PPFIA2: variants seen among roughly 807,000 people sequenced by gnomAD.
The protein encoded by PPFIA2 is PPFI scaffold protein A2.
Under a neutral mutation model 175.5 loss-of-function variants are expected in PPFIA2, and 46 were observed. The observed-to-expected ratio is 0.26, with a 90% confidence interval of 0.21 to 0.34. PPFIA2 has a LOEUF of 0.34. PPFIA2 is among the 10% of genes least tolerant of loss of function. PPFIA2 has a pLI of 1.00. For synonymous variants in PPFIA2, 568 were observed against 511.4 expected, an observed-to-expected ratio of 1.11 and a Z score of -1.49; for missense variants, 1,179 against 1,506.1, an observed-to-expected ratio of 0.78 and a Z score of 3.60.
chr12:81,367,167 C>A lies in PPFIA2; in HGVS notation c.1486G>T (p.Val496Phe), dbSNP rs1357373467. Residue 496 changes from valine (V) to phenylalanine (F), a missense_variant, in exon 14 of 33, where the codon GTT (valine) becomes TTT (phenylalanine). Val to Phe is a conservative substitution (Grantham distance 50). Coordinates refer to ENST00000549396, the MANE Select transcript of PPFIA2 (RefSeq NM_003625.5). ...AAAGTTTCTGATTCTTGAATTAAAA[C>A]ATTCTAAAGAAAAGAAAATAGCAGA... ...ERMAALEEKN[V>F]LIQESETFRK... 1.4e-6 allele frequency: 2 copies of A among 1,395,262 alleles called. No homozygotes were observed. Among genetic ancestry groups the A allele is most frequent in the Non-Finnish European group, 1.9e-6 (2 of 1,057,898 alleles). The allele number at this position is 1,395,262 out of a possible 1,614,324, so 86.4% of individuals were successfully genotyped here.
chr12:81,546,313 T>C (rs751573981), intron 4 of PPFIA2: 1 of 152,076 alleles, frequency 6.6e-6, no homozygotes, highest in Non-Finnish European at 1.5e-5. Flanking sequence ...ACTGTTTTTT[T>C]CTAAATTTGT....
intron 4 of PPFIA2, among the ~76,000 whole-genome samples, chr12:81,630,871 T>G (rs909521990): frequency 6.8e-6 from 1 of 147,842 alleles, no homozygotes; most frequent in African/African-American, 2.5e-5. Context: ...TAAAGATGTC[T>G]ATGGAAAGGC....
intron 8 of PPFIA2, among the ~76,000 whole-genome samples, chr12:81,400,859 T>C (rs937384969): frequency 6.6e-6 from 1 of 152,186 alleles, no homozygotes. Context: ...GTGCCTCATT[T>C]GTTGTATGGT....
rs190409521 is a variant in PPFIA2 at position 81,362,236 on chromosome 12, C to A, written c.1637+457G>T. Reference sequence around the variant, plus strand: ...ACCGAAATAGGTAGATGCTAAGTGACCATAATCAATAATATTTGTTTAGTC... The same window carrying A: ...ACCGAAATAGGTAGATGCTAAGTGAACATAATCAATAATATTTGTTTAGTC... On this transcript the variant is annotated intron_variant, in intron 15 of 32. Coordinates refer to ENST00000549396, the MANE Select transcript of PPFIA2 (RefSeq NM_003625.5). 4.0e-5 allele frequency among the ~76,000 whole-genome samples: 6 copies of A among 150,102 alleles called. No homozygotes were observed. In the East Asian group the frequency reaches 1.2e-3, roughly 29 times the overall value.
At chr12:81,600,470 T>C (rs2059674570) in intron 4 of PPFIA2, among the ~76,000 whole-genome samples, 1 of 151,938 alleles carries the variant, frequency 6.6e-6, no homozygotes, top group South Asian at 2.1e-4. Context: ...GCTGAAACTA[T>C]TTATTTCCTT....
chr12:81,317,950 G>A (rs2052777046), intron 22 of PPFIA2, among the ~76,000 whole-genome samples: 1 of 151,564 alleles, frequency 6.6e-6, no homozygotes, highest in African/African-American at 2.4e-5. Context: ...GTCAATATTA[G>A]ACATAATTAT....
intron 7 of PPFIA2, among the ~76,000 whole-genome samples, chr12:81,436,047 T>C (rs550485276): frequency 4.6e-4 from 69 of 151,502 alleles, no homozygotes; most frequent in African/African-American, 1.6e-3. Context: ...GGAGGCCGAG[T>C]TGGGCAGACT....
At chr12:81,464,855 G>A (rs1371970807) in intron 4 of PPFIA2, among the ~76,000 whole-genome samples, 3 of 142,278 alleles carry the variant, frequency 2.1e-5, no homozygotes, top group Non-Finnish European at 4.5e-5. Context: ...CTCATTTTCT[G>A]ATATTTAGTA....
At position 81,467,087 on chromosome 12, in the gene PPFIA2, A is replaced by G. The variant is rs943884386; in HGVS notation, c.304-9221T>C. ...TACTGAAACTAATTTTATATCAGGG[A>G]CAAGAGGATTATCTTCAAGCATAAT... On this transcript the variant is annotated intron_variant, in intron 4 of 32. Transcript: ENST00000549396. Among the ~76,000 whole-genome samples the G allele has an allele frequency of 4.3e-4, 65 of 151,694 alleles. 1 individual carries two copies. Among genetic ancestry groups the G allele is most frequent in the Admixed American group, 4.6e-4 (7 of 15,180 alleles).
chr12:81,348,470 G>T (rs573244918), intron 17 of PPFIA2, among the ~76,000 whole-genome samples: 1 of 152,268 alleles, frequency 6.6e-6, no homozygotes, highest in South Asian at 2.1e-4. Flanking sequence ...AGGAGTGGTG[G>T]CTCACGCCTG....
At chr12:81,358,458 T>G (rs1446831868) in intron 15 of PPFIA2, among the ~76,000 whole-genome samples, 1 of 152,178 alleles carries the variant, frequency 6.6e-6, no homozygotes, top group Non-Finnish European at 1.5e-5. Context: ...ATACAGTGCT[T>G]ATAACCTTTC....
intron 21 of PPFIA2, among the ~76,000 whole-genome samples, chr12:81,338,299 A>G (rs149743909): frequency 0.013 from 1,949 of 152,154 alleles, 17 homozygotes; most frequent in Non-Finnish European, 0.021. Flanking sequence ...CAATAATATA[A>G]CTCTAAAAAT....
At chr12:81,375,335 A>T (rs1223926098) in intron 10 of PPFIA2, among the ~76,000 whole-genome samples, 1 of 152,098 alleles carries the variant, frequency 6.6e-6, no homozygotes, top group African/African-American at 2.4e-5. Flanking sequence ...CAGGCAACCA[A>T]CCAGCTTTGG....
At chr12:81,353,089 C>A (rs1275138860) in intron 17 of PPFIA2, 30 bp downstream of exon 17, 1 of 1,586,396 alleles carries the variant, frequency 6.3e-7, no homozygotes, top group South Asian at 1.1e-5. Flanking sequence ...CTTCTAATTT[C>A]TTGAAATCAT....
At chr12:81,621,008 G>T (rs1356997593) in intron 4 of PPFIA2, among the ~76,000 whole-genome samples, 1 of 152,170 alleles carries the variant, frequency 6.6e-6, no homozygotes, top group Non-Finnish European at 1.5e-5. Context: ...GAAAAAAATT[G>T]TCTTCATAAA....
Position 81,377,555 on chromosome 12 carries a change from G to GA in PPFIA2, c.985-1614dup, listed in dbSNP as rs796615939. The stretch of plus-strand genomic sequence containing the variant: ...GCCACAGGGCAAGACTCCATTTCAA[G>GA]AAAAAAAAAAAAAGAAAAAGGAATA... On this transcript the variant is annotated intron_variant, in intron 9 of 32. Transcript: ENST00000549396. Among the ~76,000 whole-genome samples, 194 of 131,392 alleles carry GA rather than the reference G, an allele frequency of 1.5e-3. 1 individual carries two copies. Among genetic ancestry groups the GA allele is most frequent in the Middle Eastern group, 7.6e-3 (2 of 262 alleles). The allele number at this position is 131,392 out of a possible 152,430, so 86.2% of individuals were successfully genotyped here.
intron 19 of PPFIA2, among the ~76,000 whole-genome samples, chr12:81,343,892 T>G (rs2058589767): frequency 6.6e-6 from 1 of 152,060 alleles, no homozygotes; most frequent in Admixed American, 6.6e-5. Context: ...TTCCTGGAAA[T>G]AGCACATCAC....
intron 7 of PPFIA2, among the ~76,000 whole-genome samples, chr12:81,410,576 C>A (rs985467408): frequency 2.6e-5 from 4 of 152,036 alleles, no homozygotes; most frequent in Non-Finnish European, 5.9e-5. Context: ...AATGTTCAAT[C>A]ATCATTTATC....
intron 4 of PPFIA2, among the ~76,000 whole-genome samples, chr12:81,641,517 C>T (rs1217002763): frequency 6.6e-6 from 1 of 152,146 alleles, no homozygotes; most frequent in African/African-American, 2.4e-5. Context: ...ATCTGTGTCT[C>T]AATAGATTTT....
Sources: allele counts gnomAD v4.1 joint callset (sites outside exome capture counted in the v4.1 genomes callset), GRCh38; gene constraint gnomAD v4.1.1; transcripts MANE v1.5; gene names NCBI Gene and HGNC (gene_info 2026-07-23, HGNC 2026-07-21).